The following RIMS2 variants were observed in gnomAD, a reference collection of about 807,000 sequenced individuals.
RIMS2 encodes regulating synaptic membrane exocytosis protein 2.
RIMS2 carries 59 observed loss-of-function variants against 174.4 expected under a neutral mutation model. That is an observed-to-expected ratio of 0.34 (90% CI 0.27 to 0.42). RIMS2 has a LOEUF of 0.42. Among genes scored for constraint, RIMS2 ranks in the 10% least tolerant of loss-of-function variants. RIMS2 has a pLI of 1.00. For synonymous variants in RIMS2, 606 were observed against 572.5 expected (o/e 1.06, Z -0.84); for missense variants, 1,620 against 1,666.3 (o/e 0.97, Z 0.48).
At chr8:104,090,060 A>G (rs745767270) in intron 19 of RIMS2, among the ~76,000 whole-genome samples, 4 of 141,058 alleles carry the variant, frequency 2.8e-5, no homozygotes, top group Non-Finnish European at 4.6e-5. Context: ...ACATGCACAT[A>G]TATATATTAT....
intron 19 of RIMS2, among the ~76,000 whole-genome samples, chr8:104,179,253 G>A (rs1473799272): frequency 2.0e-5 from 3 of 151,940 alleles, no homozygotes; most frequent in Non-Finnish European, 4.4e-5. Flanking sequence ...CTTATTTCGA[G>A]GACAGCAAAA....
chr8:103,848,179 C>T (rs2098978035), intron 3 of RIMS2, among the ~76,000 whole-genome samples: 1 of 151,960 alleles, frequency 6.6e-6, no homozygotes, highest in African/African-American at 2.4e-5. Context: ...AATGGATAAC[C>T]AGGTTGTGAA....
At chr8:103,947,538 C>T (rs552628729) in intron 14 of RIMS2, among the ~76,000 whole-genome samples, 52 of 152,156 alleles carry the variant, frequency 3.4e-4, no homozygotes, top group African/African-American at 1.2e-3. Flanking sequence ...GCAATTGTAA[C>T]GCAATGATAA....
At chr8:103,866,470 G>T (rs1393153624) in intron 3 of RIMS2, among the ~76,000 whole-genome samples, 3 of 152,026 alleles carry the variant, frequency 2.0e-5, no homozygotes, top group Non-Finnish European at 4.4e-5. Flanking sequence ...GAGTTGTGCT[G>T]TATTTGCTTA....
At chr8:103,939,648 TC>T (rs2082089305) in intron 13 of RIMS2, among the ~76,000 whole-genome samples, 1 of 152,236 alleles carries the variant, frequency 6.6e-6, no homozygotes, top group Non-Finnish European at 1.5e-5. Context: ...AATGGGATTT[TC>T]TTTTCTATCG....
At chr8:103,522,641 T>C (rs1215728209) in intron 1 of RIMS2, among the ~76,000 whole-genome samples, 1 of 152,158 alleles carries the variant, frequency 6.6e-6, no homozygotes, top group Admixed American at 6.6e-5. Flanking sequence ...TATCTGATGG[T>C]TTCCAACTCT....
chr8:103,610,730 C>G (rs1438222036), intron 1 of RIMS2, among the ~76,000 whole-genome samples: 1 of 152,076 alleles, frequency 6.6e-6, no homozygotes, highest in African/African-American at 2.4e-5. Flanking sequence ...ATTTGATTTG[C>G]TAATATTTTG....
chr8:104,122,148 C>T (rs1259029904), intron 19 of RIMS2, among the ~76,000 whole-genome samples: 2 of 151,834 alleles, frequency 1.3e-5, no homozygotes, highest in Non-Finnish European at 2.9e-5. Context: ...GAAGCATTGC[C>T]TCACTTCCCA....
chr8:103,624,003 T>A (rs528034443), intron 1 of RIMS2, among the ~76,000 whole-genome samples: 1 of 152,116 alleles, frequency 6.6e-6, no homozygotes, highest in Non-Finnish European at 1.5e-5. Context: ...AAGTTAATGT[T>A]AATTGTAAAA....
At chr8:104,081,869 A>G (rs1238282161) in intron 19 of RIMS2, among the ~76,000 whole-genome samples, 1 of 152,086 alleles carries the variant, frequency 6.6e-6, no homozygotes. Flanking sequence ...AGTACCGGGT[A>G]ACTTTCCTGG....
chr8:104,169,335 TATATAA>T (rs1192020988), intron 19 of RIMS2, among the ~76,000 whole-genome samples: 693 of 41,172 alleles, frequency 0.017, 6 homozygotes, highest in East Asian at 0.053. Context: ...TATATATATA[TATATAA>T]AACAGATTCA....
At chr8:103,685,027 T>G (rs186190281) in intron 1 of RIMS2, among the ~76,000 whole-genome samples, 180 of 152,264 alleles carry the variant, frequency 1.2e-3, no homozygotes, top group Admixed American at 2.5e-3. Flanking sequence ...GTTTTATAAT[T>G]CATTTTGAGT....
At chr8:104,083,504 T>G (rs142702431) in intron 19 of RIMS2, among the ~76,000 whole-genome samples, 1 of 152,294 alleles carries the variant, frequency 6.6e-6, no homozygotes, top group African/African-American at 2.4e-5. Context: ...TTCATAAAAA[T>G]CATATAATCC....
At chr8:103,546,963 A>T (rs1409185937) in intron 1 of RIMS2, among the ~76,000 whole-genome samples, 1 of 151,444 alleles carries the variant, frequency 6.6e-6, no homozygotes, top group African/African-American at 2.4e-5. Context: ...ATCTTGAGTT[A>T]TGCGGTGCCT....
intron 19 of RIMS2, among the ~76,000 whole-genome samples, chr8:104,036,501 C>CA (rs1048522282): frequency 2.6e-5 from 4 of 151,908 alleles, no homozygotes; most frequent in Non-Finnish European, 5.9e-5. Flanking sequence ...TTTTTTTCTG[C>CA]ATTTAAAAAT....
intron 1 of RIMS2, among the ~76,000 whole-genome samples, chr8:103,643,209 G>A (rs184705003): frequency 1.8e-4 from 27 of 151,846 alleles, no homozygotes; most frequent in African/African-American, 6.5e-4. Context: ...TCTGTCAAAG[G>A]CATTCTTTAT....
At chr8:104,221,834 A>T (rs1401146773) in intron 19 of RIMS2, among the ~76,000 whole-genome samples, 2 of 152,230 alleles carry the variant, frequency 1.3e-5, no homozygotes, top group East Asian at 3.8e-4. Flanking sequence ...ATGGACAAAC[A>T]AAGTCCTTAT....
chr8:103,620,711 T>C (rs2095614645), intron 1 of RIMS2, among the ~76,000 whole-genome samples: 1 of 152,206 alleles, frequency 6.6e-6, no homozygotes, highest in Non-Finnish European at 1.5e-5. Context: ...AGTTTCTGTT[T>C]ATAATTAATA....
intron 6 of RIMS2, among the ~76,000 whole-genome samples, chr8:103,914,289 T>C (rs1348810729): frequency 6.6e-6 from 1 of 152,158 alleles, no homozygotes; most frequent in African/African-American, 2.4e-5. Flanking sequence ...AGAATAAAGG[T>C]TAGCAAGTCT....
Sources: gnomAD v4.1 joint callset for allele counts (sites outside exome capture counted in the v4.1 genomes callset) on GRCh38, gnomAD v4.1.1 for gene constraint, MANE v1.5 for transcripts, NCBI Gene and HGNC (gene_info 2026-07-23, HGNC 2026-07-21) for gene names.